TLN2: variants seen among roughly 807,000 people sequenced by gnomAD.
TLN2 encodes talin-2.
Under a neutral mutation model 294.7 loss-of-function variants are expected in TLN2, and 118 were observed. That is an observed-to-expected ratio of 0.40 (90% confidence interval 0.34 to 0.47). TLN2 has a LOEUF of 0.47. Among genes scored for constraint, TLN2 ranks in the 20% least tolerant of loss-of-function variants. The pLI is 0.84. For missense variants in TLN2, 3,083 were observed against 3,282.2 expected (o/e 0.94, Z 1.48); for synonymous variants, 1,431 against 1,304.5 (o/e 1.10, Z -2.09).
At chr15:62,458,530 C>T (rs1277481541) in intron 1 of TLN2, among the ~76,000 whole-genome samples, 1 of 148,426 alleles carries the variant, frequency 6.7e-6, no homozygotes, top group African/African-American at 2.5e-5. Flanking sequence ...AGAGATTCCT[C>T]TTGAAGATAC....
chr15:62,732,717 G>A (rs1372659504), intron 28 of TLN2, among the ~76,000 whole-genome samples: 1 of 152,092 alleles, frequency 6.6e-6, no homozygotes, highest in African/African-American at 2.4e-5. Context: ...CGAAGTGGTC[G>A]ATTGAAGAAG....
chr15:62,399,333 G>T (rs1267730300), intron 1 of TLN2, among the ~76,000 whole-genome samples: 4 of 148,896 alleles, frequency 2.7e-5, no homozygotes, highest in African/African-American at 9.8e-5. Context: ...CAGGAGCGGA[G>T]CCCTCATGGA....
intron 9 of TLN2, among the ~76,000 whole-genome samples, chr15:62,670,267 T>C (rs988036839): frequency 2.0e-5 from 3 of 152,206 alleles, no homozygotes; most frequent in South Asian, 4.1e-4. Context: ...CACTTCCTTA[T>C]TTTAAATGGG....
At chr15:62,626,640 C>T (rs1262358488) in intron 3 of TLN2, among the ~76,000 whole-genome samples, 1 of 152,198 alleles carries the variant, frequency 6.6e-6, no homozygotes, top group Non-Finnish European at 1.5e-5. Flanking sequence ...GCATGGGCTG[C>T]TAGAAGGCCA....
intron 1 of TLN2, among the ~76,000 whole-genome samples, chr15:62,542,215 A>G (rs1326104523): frequency 6.6e-6 from 1 of 151,656 alleles, no homozygotes; most frequent in Non-Finnish European, 1.5e-5. Flanking sequence ...TTTTTGAGAG[A>G]GAGTCTCGCT....
intron 1 of TLN2, among the ~76,000 whole-genome samples, chr15:62,497,413 C>T (rs928933413): frequency 6.6e-6 from 1 of 152,168 alleles, no homozygotes; most frequent in African/African-American, 2.4e-5. Flanking sequence ...TTAGTTAGAT[C>T]CTCTCTGGGT....
chr15:62,694,328 G>T lies in TLN2; in HGVS notation c.1228G>T (p.Asp410Tyr). The T allele has an allele frequency of 6.2e-7, 1 of 1,614,028 alleles. No homozygotes were observed. Among genetic ancestry groups the T allele is most frequent in the Non-Finnish European group, 8.5e-7 (1 of 1,179,948 alleles). Residue 410 changes from aspartate (D) to tyrosine (Y), a missense_variant, in exon 14 of 59, where the codon GAT becomes TAT. Transcript: ENST00000636159. ...DIILKKKQSK[D>Y]RFGLEGDEES... Reference sequence around the variant, plus strand: ...ATTGCATTTCCAGAAACAAAGTAAAGATCGATTTGGACTAGAAGGTGATGA... The same window carrying T: ...ATTGCATTTCCAGAAACAAAGTAAATATCGATTTGGACTAGAAGGTGATGA...
intron 1 of TLN2, among the ~76,000 whole-genome samples, chr15:62,523,674 T>C (rs1343857817): frequency 6.6e-6 from 1 of 152,196 alleles, no homozygotes; most frequent in Non-Finnish European, 1.5e-5. Context: ...ATAACTAGCT[T>C]GATCTAGTGG....
At chr15:62,500,074 A>C (rs1330729921) in intron 1 of TLN2, among the ~76,000 whole-genome samples, 1 of 151,944 alleles carries the variant, frequency 6.6e-6, no homozygotes, top group Non-Finnish European at 1.5e-5. Context: ...CAGTGGCTCA[A>C]ACCTGTAATC....
At chr15:62,818,535 TTC>T (rs2067296914) in intron 52 of TLN2, among the ~76,000 whole-genome samples, 1 of 152,210 alleles carries the variant, frequency 6.6e-6, no homozygotes, top group Non-Finnish European at 1.5e-5. Flanking sequence ...GTGTTTAGTA[TTC>T]TCAGTACCTT....
intron 1 of TLN2, among the ~76,000 whole-genome samples, chr15:62,559,414 C>T (rs553746787): frequency 6.6e-6 from 1 of 152,286 alleles, no homozygotes; most frequent in Admixed American, 6.5e-5. Flanking sequence ...TGTTCAGCTA[C>T]ACCCTTCCTA....
chr15:62,399,192 A>G (rs72753817), intron 1 of TLN2, among the ~76,000 whole-genome samples: 19,822 of 144,960 alleles, frequency 0.14, 1,368 homozygotes, highest in Admixed American at 0.16. Context: ...CGGAGGCTGT[A>G]TAGAAATGCC....
At chr15:62,795,040 G>A (rs552062230) in intron 46 of TLN2, among the ~76,000 whole-genome samples, 1 of 152,330 alleles carries the variant, frequency 6.6e-6, no homozygotes, top group African/African-American at 2.4e-5. Flanking sequence ...CTGAGGGCAA[G>A]AACGGTGTGC....
intron 3 of TLN2, among the ~76,000 whole-genome samples, chr15:62,622,044 G>A (rs535228417): frequency 2.8e-4 from 42 of 151,906 alleles, no homozygotes; most frequent in African/African-American, 9.4e-4. Flanking sequence ...GCAGTGCCAT[G>A]TATGAGCCAG....
At chr15:62,400,812 G>GTTTT (rs11369905) in intron 1 of TLN2, among the ~76,000 whole-genome samples, 6 of 119,462 alleles carry the variant, frequency 5.0e-5, no homozygotes, top group Admixed American at 9.4e-5. Context: ...TATGTTTCCG[G>GTTTT]TTTTTTTTTT....
At chr15:62,639,292 T>C (rs2050734186) in intron 3 of TLN2, among the ~76,000 whole-genome samples, 1 of 152,104 alleles carries the variant, frequency 6.6e-6, no homozygotes, top group African/African-American at 2.4e-5. Flanking sequence ...ATTGCTGCTA[T>C]ATTGGGGACT....
intron 33 of TLN2, among the ~76,000 whole-genome samples, chr15:62,749,605 C>T (rs1237167483): frequency 6.6e-6 from 1 of 152,212 alleles, no homozygotes; most frequent in Non-Finnish European, 1.5e-5. Context: ...CCCCTTCCTT[C>T]TCTCCCAGCC....
chr15:62,722,995 A>G lies in TLN2; in HGVS notation c.3126+508A>G, dbSNP rs142044091. On this transcript the variant is annotated intron_variant, in intron 26 of 58. Coordinates refer to ENST00000636159, the MANE Select transcript of TLN2 (RefSeq NM_015059.3). ...GAGCATTCACCTTAACAAGGTCTTC[A>G]AGAGAACAGAGTTGAGGACTAAATT... is the stretch of plus-strand genomic sequence containing the variant. Among the ~76,000 whole-genome samples the G allele has an allele frequency of 5.6e-4, 85 of 152,352 alleles. No individual in the cohort carries two copies. In the East Asian group the frequency reaches 0.016, roughly 28 times the overall value.
chr15:62,705,017 C>T (rs963976428), intron 19 of TLN2, among the ~76,000 whole-genome samples: 2 of 152,234 alleles, frequency 1.3e-5, no homozygotes, highest in Non-Finnish European at 2.9e-5. Flanking sequence ...CACAATTCTT[C>T]CTTTAAACAT....
Sources: allele counts gnomAD v4.1 joint callset (sites outside exome capture counted in the v4.1 genomes callset), GRCh38; gene constraint gnomAD v4.1.1; transcripts MANE v1.5; gene names NCBI Gene and HGNC (gene_info 2026-07-23, HGNC 2026-07-21).